FHAD1: variants seen among roughly 807,000 people sequenced by gnomAD.
FHAD1 encodes forkhead-associated domain-containing protein 1.
FHAD1 carries 146 observed loss-of-function variants against 191.3 expected under a neutral mutation model. The observed-to-expected ratio is 0.76, with a 90% CI of 0.67 to 0.88. FHAD1 has a LOEUF of 0.88. Ranked by LOEUF, FHAD1 falls within the 40% of genes least tolerant of loss-of-function variation. FHAD1 has a pLI of 0.00. For missense variants in FHAD1, 1,635 were observed against 1,785.8 expected, an observed-to-expected ratio of 0.92 and a Z score of 1.52; for synonymous variants, 616 against 672.3, an observed-to-expected ratio of 0.92 and a Z score of 1.29.
intron 14 of FHAD1, among the ~76,000 whole-genome samples, chr1:15,331,486 T>TG (rs1681427453): frequency 1.2e-5 from 1 of 83,086 alleles, no homozygotes; most frequent in Non-Finnish European, 2.3e-5. Flanking sequence ...GTGGGTGGAT[T>TG]GATGGATGGA....
chr1:15,363,927 A>T (rs746705208), intron 23 of FHAD1: 1 of 377,902 alleles, frequency 2.6e-6, no homozygotes, highest in African/African-American at 2.1e-5. Flanking sequence ...TAGTGACCGA[A>T]GTCTAATGTC....
intron 3 of FHAD1, among the ~76,000 whole-genome samples, chr1:15,275,706 C>G (rs963635293): frequency 2.0e-5 from 3 of 152,120 alleles, no homozygotes; most frequent in African/African-American, 7.2e-5. Context: ...TGAAGAGCGT[C>G]TCTCATCAAA....
At chr1:15,282,548 G>T (rs992507993) in intron 3 of FHAD1, among the ~76,000 whole-genome samples, 5 of 152,164 alleles carry the variant, frequency 3.3e-5, no homozygotes, top group Non-Finnish European at 5.9e-5. Context: ...AGACGAAAGT[G>T]AAATGAGAAA....
intron 27 of FHAD1, 99 bp from the exon 28 acceptor site, chr1:15,375,504 C>T: frequency 8.5e-7 from 1 of 1,174,166 alleles, no homozygotes; most frequent in South Asian, 1.7e-5. Flanking sequence ...AGGATTAAAA[C>T]AGGCCTGTGT....
intron 22 of FHAD1, among the ~76,000 whole-genome samples, chr1:15,362,366 A>G (rs1245048324): frequency 6.6e-6 from 1 of 152,168 alleles, no homozygotes; most frequent in African/African-American, 2.4e-5. Flanking sequence ...AGCTTAGCCA[A>G]GTGGGTCGCC....
chr1:15,390,369 G>T (rs867270857), intron 32 of FHAD1, among the ~76,000 whole-genome samples: 1 of 141,728 alleles, frequency 7.1e-6, no homozygotes, highest in African/African-American at 2.7e-5. Context: ...AAAAAAAAAG[G>T]CACTTTAAGA....
At chr1:15,286,363 C>A (rs1422217869) in intron 3 of FHAD1, among the ~76,000 whole-genome samples, 1 of 151,848 alleles carries the variant, frequency 6.6e-6, no homozygotes, top group Non-Finnish European at 1.5e-5. Flanking sequence ...TTTAGCTGGG[C>A]CTTGTGGCCT....
downstream of FHAD1, among the ~76,000 whole-genome samples, chr1:15,401,305 C>T (rs192224300): frequency 1.4e-3 from 214 of 152,272 alleles, 1 homozygote; most frequent in African/African-American, 4.9e-3. Context: ...AGTTTCTGTT[C>T]ATTGCAACCA....
intron 8 of FHAD1, 111 bp downstream of exon 8, chr1:15,313,298 T>G: frequency 1.7e-6 from 1 of 578,508 alleles, no homozygotes; most frequent in Non-Finnish European, 2.4e-6. Flanking sequence ...TAAATTTCAT[T>G]CCTTCCTCTC....
chr1:15,252,853 AG>A (rs1646954019), intron 2 of FHAD1, among the ~76,000 whole-genome samples: 1 of 152,252 alleles, frequency 6.6e-6, no homozygotes, highest in Non-Finnish European at 1.5e-5. Context: ...AGTTGAAAGA[AG>A]GAGAATAATA....
chr1:15,240,973 A>AAGAAAG (rs1553212666), intron 1 of FHAD1, among the ~76,000 whole-genome samples: 2 of 77,816 alleles, frequency 2.6e-5, no homozygotes, highest in African/African-American at 1.0e-4. Flanking sequence ...AAAAAAAAAA[A>AAGAAAG]AAAGAAAGAA....
chr1:15,373,338 G>A (rs1361562873), intron 26 of FHAD1, among the ~76,000 whole-genome samples: 2 of 142,428 alleles, frequency 1.4e-5, no homozygotes, highest in African/African-American at 3.1e-5. Flanking sequence ...GTGAAACCCC[G>A]TCTCTACCAA....
chr1:15,259,306 CA>C (rs1385998086), intron 2 of FHAD1, among the ~76,000 whole-genome samples: 1 of 152,172 alleles, frequency 6.6e-6, no homozygotes, highest in Non-Finnish European at 1.5e-5. Context: ...GCTTTATCCT[CA>C]AACAGCCCTA....
At chr1:15,370,943 A>T (rs991597411) in intron 26 of FHAD1, among the ~76,000 whole-genome samples, 53 of 152,136 alleles carry the variant, frequency 3.5e-4, no homozygotes, top group African/African-American at 1.3e-3. Flanking sequence ...GACAGCATTG[A>T]GCCAGGGCCG....
intron 19 of FHAD1, among the ~76,000 whole-genome samples, chr1:15,351,859 C>T (rs530927353): frequency 7.4e-4 from 50 of 67,486 alleles, no homozygotes; most frequent in African/African-American, 2.3e-3. Flanking sequence ...TGTGCAGAGG[C>T]GGGTAGGGTG....
chr1:15,283,375 A>C (rs1441712760), intron 3 of FHAD1, among the ~76,000 whole-genome samples: 1 of 152,212 alleles, frequency 6.6e-6, no homozygotes, highest in Non-Finnish European at 1.5e-5. Context: ...TCACTAACAC[A>C]GAGCCACAGA....
rs79751240 is a variant in FHAD1 at position 15,296,856 on chromosome 1, C to T, written c.678+63C>T. 5.7e-4 allele frequency: 765 copies of T among 1,339,500 alleles called. 5 individuals are homozygous for T. In the African/African-American group the frequency reaches 8.1e-3, roughly 14 times the overall value. The allele number at this position is 1,339,500 out of a possible 1,614,324, so 83.0% of individuals were successfully genotyped here. Reference sequence around the variant, plus strand: ...GCAAGCGCACTGCAAAGGGACTTGCCGATGCCTGTTCTGTGTGGCCCAGGA... The same window carrying T: ...GCAAGCGCACTGCAAAGGGACTTGCTGATGCCTGTTCTGTGTGGCCCAGGA... On this transcript the variant is annotated intron_variant, in intron 5 of 33. Transcript: ENST00000688493.
Position 15,272,365 on chromosome 1 carries a change from G to A in FHAD1, c.136G>A (p.Glu46Lys). 1 of 1,551,694 alleles carries A rather than the reference G, an allele frequency of 6.4e-7. No homozygotes were observed. The highest frequency in any genetic ancestry group is 8.7e-7 in the Non-Finnish European group (1 of 1,147,010). ...DNHHALIEYN[E>K]AECSFVLQDF... is the part of the protein sequence containing the mutation. ...CCACCATGCACTCATTGAATATAAC[G>A]AGGCGGAGTGCAGCTTTGTTCTCCA... The change falls in exon 3 of 34, where the codon GAG becomes AAG. Residue 46 changes from glutamate to lysine, a missense_variant. Glu to Lys is a moderately conservative substitution (Grantham distance 56, BLOSUM62 1). Transcript: ENST00000688493.
intron 28 of FHAD1, among the ~76,000 whole-genome samples, chr1:15,380,384 T>A (rs1316433857): frequency 6.6e-6 from 1 of 152,216 alleles, no homozygotes; most frequent in Non-Finnish European, 1.5e-5. Context: ...GTCCAAACAC[T>A]GCCAAATGGC....
Sources: allele counts gnomAD v4.1 joint callset (sites outside exome capture counted in the v4.1 genomes callset), GRCh38; gene constraint gnomAD v4.1.1; transcripts MANE v1.5; gene names NCBI Gene and HGNC (gene_info 2026-07-23, HGNC 2026-07-21).